The following SH3GL3 variants were observed in gnomAD, a reference collection of about 807,000 sequenced individuals.
SH3GL3 encodes endophilin-A3.
A neutral mutation model predicts 47.7 loss-of-function variants in SH3GL3; 33 were observed. The observed-to-expected ratio is 0.69, with a 90% CI of 0.52 to 0.92. The LOEUF (loss-of-function observed/expected upper bound fraction) is 0.92, where lower values mean the gene tolerates loss of function less well. Among genes scored for constraint, SH3GL3 ranks in the 40% least tolerant of loss-of-function variants. The pLI is 0.00. For missense variants in SH3GL3, 363 were observed against 417.8 expected (o/e 0.87, Z 1.14); for synonymous variants, 155 against 148.8 (o/e 1.04, Z -0.30).
chr15:83,572,315 A>G (rs542857451), intron 4 of SH3GL3, among the ~76,000 whole-genome samples: 4 of 152,310 alleles, frequency 2.6e-5, no homozygotes, highest in African/African-American at 9.6e-5. Context: ...TCCAAATGGT[A>G]AGTACTTCGG....
intron 1 of SH3GL3, among the ~76,000 whole-genome samples, chr15:83,501,562 T>A (rs537859828): frequency 6.6e-6 from 1 of 152,154 alleles, no homozygotes; most frequent in African/African-American, 2.4e-5. Context: ...CAGTTACTCG[T>A]CCTACACATG....
At position 83,576,589 on chromosome 15, in the gene SH3GL3, C is replaced by G. The variant is rs781268362; in HGVS notation, c.472C>G (p.Leu158Val). ...DKDLKEIGHH[L>V]KKLEGRRLDY... ...CTCCATTCTCTTTTTTTAGCATCAC[C>G]TGAAAAAGCTGGAAGGCCGCCGCCT... Residue 158 changes from leucine to valine, a missense_variant, in exon 6 of 9, where the codon CTG becomes GTG. By Grantham distance (32) the Leu-to-Val change is conservative. Transcript: ENST00000427482. The G allele has an allele frequency of 1.2e-6, 2 of 1,601,610 alleles. No individual in the cohort carries two copies. Among genetic ancestry groups the G allele is most frequent in the East Asian group, 2.2e-5 (1 of 44,820 alleles).
rs148599718 is a variant in SH3GL3 at position 83,497,274 on chromosome 15, C to T, written c.45+49696C>T. ...CCTACCTTCTTGCCCCTTGTCTTCA[C>T]GCTCTCCTTTACTGACACTTACCTT... On this transcript the variant is annotated intron_variant, in intron 1 of 8. Coordinates refer to ENST00000427482, the MANE Select transcript of SH3GL3 (RefSeq NM_003027.5). Among the ~76,000 whole-genome samples, 1,044 of 152,246 alleles carry T rather than the reference C, an allele frequency of 6.9e-3. 3 individuals carry two copies. Among genetic ancestry groups the T allele is most frequent in the Non-Finnish European group, 0.01 (707 of 68,020 alleles).
rs763307833 is a variant in SH3GL3 at position 83,572,646 on chromosome 15, C to CTT, written c.416_417dup (p.Ile140LeufsTer13). ...TCTCTTGATATTAATGTAAAGCAAACTTTTATTGATCCACTTCAGTTACTA... is the reference window on the plus strand; with the variant it reads ...TCTCTTGATATTAATGTAAAGCAAACTTTTTTATTGATCCACTTCAGTTACTA... On this transcript the variant is annotated frameshift_variant, in exon 5 of 9. Coordinates refer to ENST00000427482, the MANE Select transcript of SH3GL3 (RefSeq NM_003027.5). LOFTEE classifies it high-confidence loss of function. 6.2e-7 allele frequency: 1 copy of CTT among 1,611,400 alleles called. No individual in the cohort carries two copies. The highest frequency in any genetic ancestry group is 8.5e-7 in the Non-Finnish European group (1 of 1,177,524).
intron 1 of SH3GL3, among the ~76,000 whole-genome samples, chr15:83,520,962 C>T (rs1277432412): frequency 4.6e-5 from 7 of 152,046 alleles, no homozygotes; most frequent in East Asian, 3.9e-4. Context: ...TAAAAAGGCC[C>T]GTATTTCTCT....
intron 1 of SH3GL3, among the ~76,000 whole-genome samples, chr15:83,558,440 C>G (rs984764919): frequency 6.6e-6 from 1 of 152,012 alleles, no homozygotes; most frequent in Non-Finnish European, 1.5e-5. Context: ...TGGCCATACA[C>G]AAATTGTCCT....
chr15:83,557,186 C>T (rs935913520), intron 1 of SH3GL3, among the ~76,000 whole-genome samples: 4 of 152,178 alleles, frequency 2.6e-5, no homozygotes, highest in African/African-American at 9.7e-5. Context: ...GTGCCACTCC[C>T]CACCCCAGGA....
At chr15:83,571,322 G>T (rs2045805890) in intron 4 of SH3GL3, among the ~76,000 whole-genome samples, 1 of 152,224 alleles carries the variant, frequency 6.6e-6, no homozygotes. Flanking sequence ...CACTGGCACT[G>T]GTGGCAGAGG....
At chr15:83,563,068 G>A (rs1219387309) in intron 2 of SH3GL3, among the ~76,000 whole-genome samples, 1 of 152,134 alleles carries the variant, frequency 6.6e-6, no homozygotes, top group Non-Finnish European at 1.5e-5. Flanking sequence ...ATTTACCTAA[G>A]GGGAACAAAT....
Position 83,576,744 on chromosome 15 carries a change from A to T in SH3GL3, c.624+3A>T, listed in dbSNP as rs371180786. ...TGTTTAACTTTTTAGAAAATGATGT[A>T]AGTATTTAAACCAAATAGGAGATTT... On this transcript the variant is annotated splice_donor_region_variant and intron_variant, in intron 6 of 8. Coordinates refer to ENST00000427482, the MANE Select transcript of SH3GL3 (RefSeq NM_003027.5). 12 of 1,580,706 alleles carry T rather than the reference A, an allele frequency of 7.6e-6. No individual in the cohort carries two copies. The highest frequency in any genetic ancestry group is 9.5e-6 in the Non-Finnish European group (11 of 1,155,134).
At chr15:83,604,814 T>C (rs1421930696) in intron 8 of SH3GL3, among the ~76,000 whole-genome samples, 1 of 152,218 alleles carries the variant, frequency 6.6e-6, no homozygotes, top group Non-Finnish European at 1.5e-5. Flanking sequence ...CTGGGTACTT[T>C]ACCTTATAGA....
chr15:83,596,428 G>C (rs1185182847), intron 8 of SH3GL3, among the ~76,000 whole-genome samples: 2 of 152,144 alleles, frequency 1.3e-5, no homozygotes, highest in Non-Finnish European at 2.9e-5. Flanking sequence ...TATTCTTGCT[G>C]ATTTTTTGGT....
chr15:83,579,155 C>G (rs1431601676), intron 6 of SH3GL3, among the ~76,000 whole-genome samples: 2 of 152,212 alleles, frequency 1.3e-5, no homozygotes, highest in African/African-American at 4.8e-5. Context: ...GACAGTAACA[C>G]GTATTCTGCC....
chr15:83,473,621 C>A (rs1194964965), intron 1 of SH3GL3, among the ~76,000 whole-genome samples: 2 of 151,456 alleles, frequency 1.3e-5, no homozygotes, highest in African/African-American at 4.9e-5. Flanking sequence ...GATCTTGGCT[C>A]ACCACAAGCT....
intron 3 of SH3GL3, chr15:83,565,819 T>C (rs1349665156): frequency 6.6e-6 from 1 of 152,210 alleles, no homozygotes; most frequent in Non-Finnish European, 1.5e-5. Context: ...CCTTTCCTTT[T>C]TAGGAATTTA....
intron 8 of SH3GL3, among the ~76,000 whole-genome samples, chr15:83,591,030 CAG>C (rs2060082369): frequency 6.6e-6 from 1 of 151,954 alleles, no homozygotes; most frequent in African/African-American, 2.4e-5. Flanking sequence ...TTTTTTGAGA[CAG>C]AGTCTCACTC....
intron 4 of SH3GL3, among the ~76,000 whole-genome samples, chr15:83,571,713 C>T (rs922813581): frequency 7.9e-5 from 12 of 152,034 alleles, no homozygotes; most frequent in African/African-American, 2.9e-4. Context: ...CTTCTTCAAG[C>T]CTAGAAATGG....
At chr15:83,457,764 T>G (rs1259215261) in intron 1 of SH3GL3, among the ~76,000 whole-genome samples, 1 of 152,182 alleles carries the variant, frequency 6.6e-6, no homozygotes, top group Non-Finnish European at 1.5e-5. Context: ...GATAAATCCT[T>G]TTTTTTAAAG....
chr15:83,618,048 A>T (rs2060875255), intron 8 of SH3GL3, 34 bp from the exon 9 acceptor site: 1 of 1,339,846 alleles, frequency 7.5e-7, no homozygotes, highest in East Asian at 2.3e-5. Context: ...CATCATGTTC[A>T]TCTGTACTTT....
Sources: gnomAD v4.1 joint callset for allele counts (sites outside exome capture counted in the v4.1 genomes callset) on GRCh38, gnomAD v4.1.1 for gene constraint, MANE v1.5 for transcripts, NCBI Gene and HGNC (gene_info 2026-07-23, HGNC 2026-07-21) for gene names.